Variants in TRAPPC9 observed in about 807,000 individuals in gnomAD.
TRAPPC9 encodes the protein trafficking protein particle complex subunit 9, also known as IKK2 binding protein.
In TRAPPC9, 83 loss-of-function variants were observed where a neutral mutation model predicts 124.0. The observed-to-expected ratio is 0.67, with a 90% CI of 0.56 to 0.80. The LOEUF (loss-of-function observed/expected upper bound fraction) is 0.80, where lower values mean the gene tolerates loss of function less well. TRAPPC9 is among the 30% of genes least tolerant of loss of function. The pLI, the probability that TRAPPC9 is intolerant of heterozygous loss-of-function variation, is 0.00. For synonymous variants in TRAPPC9, 638 were observed against 617.5 expected (o/e 1.03, Z -0.49); for missense variants, 1,302 against 1,508.3 (o/e 0.86, Z 2.27).
intron 19 of TRAPPC9, among the ~76,000 whole-genome samples, chr8:139,976,715 C>T (rs895069983): frequency 6.6e-6 from 1 of 152,246 alleles, no homozygotes; most frequent in Non-Finnish European, 1.5e-5. Flanking sequence ...CAGGCCAAGA[C>T]GTACATGAAG....
intron 21 of TRAPPC9, among the ~76,000 whole-genome samples, chr8:139,830,699 G>C (rs1331505247): frequency 6.6e-6 from 1 of 151,924 alleles, no homozygotes; most frequent in Non-Finnish European, 1.5e-5. Flanking sequence ...ATATACACAT[G>C]CACACATGCA....
chr8:140,251,342 G>A (rs867204348), intron 16 of TRAPPC9, among the ~76,000 whole-genome samples: 1 of 152,168 alleles, frequency 6.6e-6, no homozygotes, highest in Non-Finnish European at 1.5e-5. Flanking sequence ...AAAAAATGCA[G>A]TTCAGCGGGA....
Position 140,450,851 on chromosome 8 carries a change from T to C in TRAPPC9, c.523A>G (p.Ile175Val). Residue 175 changes from isoleucine (I) to valine (V), a missense_variant, in exon 2 of 23, where the codon ATC becomes GTC. Coordinates refer to ENST00000438773, the MANE Select transcript of TRAPPC9 (RefSeq NM_001160372.4). Reference protein sequence around the residue: ...DRATDKSGDKIPLLCVPFEKK... With the variant: ...DRATDKSGDKVPLLCVPFEKK... ...TCAAACGGGACACAGAGAAGGGGGA[T>C]CTTATCCCCAGACTTGTCTGTGGCT... 3 of 1,613,822 alleles carry C rather than the reference T, an allele frequency of 1.9e-6. No individual in the cohort carries two copies. Among genetic ancestry groups the C allele is most frequent in the Non-Finnish European group, 1.7e-6 (2 of 1,179,924 alleles).
rs994068840 is a variant in TRAPPC9, at chr8:139,975,091, G to A, written c.2810+13635C>T. Among the ~76,000 whole-genome samples, 7 of 152,220 alleles carry A rather than the reference G, an allele frequency of 4.6e-5. 1 individual carries two copies. Among genetic ancestry groups the A allele is most frequent in the Middle Eastern group, 6.8e-3 (2 of 294 alleles). On this transcript the variant is annotated intron_variant, in intron 19 of 22. Coordinates refer to ENST00000438773, the MANE Select transcript of TRAPPC9 (RefSeq NM_001160372.4). ...GAAAGCACCACCAAGAAGGGACAGC[G>A]GTGATTATGAGTGAACCTAGGACCA...
intron 19 of TRAPPC9, among the ~76,000 whole-genome samples, chr8:139,967,433 A>G (rs1835774202): frequency 6.6e-6 from 1 of 152,258 alleles, no homozygotes; most frequent in African/African-American, 2.4e-5. Context: ...AATGATACAG[A>G]TCAGGGTTCG....
intron 20 of TRAPPC9, among the ~76,000 whole-genome samples, chr8:139,893,475 G>A (rs1830475615): frequency 6.6e-6 from 1 of 152,230 alleles, no homozygotes; most frequent in South Asian, 2.1e-4. Flanking sequence ...CAGCAATGCT[G>A]CAGTTGGCAC....
chr8:140,120,287 A>C (rs1002311619), intron 17 of TRAPPC9, among the ~76,000 whole-genome samples: 15 of 152,198 alleles, frequency 9.9e-5, no homozygotes, highest in African/African-American at 3.6e-4. Flanking sequence ...TACCAGAAAA[A>C]TAAACAGAGC....
chr8:140,371,139 G>A lies in TRAPPC9; in HGVS notation c.1176C>T (p.Ser392=), dbSNP rs200927006. ...EEKIQRYSIL[S]ELYELIGFHR... ...GGAAGCCGATCAGCTCATAGAGCTCGGAGAGGATGCTGTAGCGCTGAATTT... is the reference window on the plus strand; with the variant it reads ...GGAAGCCGATCAGCTCATAGAGCTCAGAGAGGATGCTGTAGCGCTGAATTT... Residue 392 remains serine (S), a synonymous_variant, in exon 8 of 23, where the codon TCC becomes TCT. Transcript: ENST00000438773. The A allele has an allele frequency of 1.4e-5, 23 of 1,614,048 alleles. No individual in the cohort carries two copies. Among genetic ancestry groups the A allele is most frequent in the Middle Eastern group, 1.6e-4 (1 of 6,062 alleles).
At chr8:140,393,036 TATTTTATTTTATTTTA>T (rs2068975603) in intron 7 of TRAPPC9, among the ~76,000 whole-genome samples, 2 of 26,840 alleles carry the variant, frequency 7.5e-5, no homozygotes, top group African/African-American at 1.3e-4. Flanking sequence ...ATTTTATTTT[TATTTTATTTTATTTTA>T]TTTTATTTTA....
intron 17 of TRAPPC9, among the ~76,000 whole-genome samples, chr8:140,135,551 T>C (rs2061288128): frequency 6.6e-6 from 1 of 152,210 alleles, no homozygotes; most frequent in African/African-American, 2.4e-5. Context: ...ACAAATACTG[T>C]ATAATTCCAC....
chr8:139,996,168 A>AAAG (rs1837967975), intron 18 of TRAPPC9, among the ~76,000 whole-genome samples: 1 of 142,384 alleles, frequency 7.0e-6, no homozygotes, highest in African/African-American at 2.5e-5. Flanking sequence ...CAAAAAAAAA[A>AAAG]AAAAAAAAAA....
intron 17 of TRAPPC9, among the ~76,000 whole-genome samples, chr8:140,081,069 G>T (rs1263349805): frequency 6.6e-6 from 1 of 152,156 alleles, no homozygotes; most frequent in Non-Finnish European, 1.5e-5. Flanking sequence ...CTCTGGAGGT[G>T]TGACCAAAGT....
chr8:140,445,773 G>A (rs1274878720), intron 2 of TRAPPC9, among the ~76,000 whole-genome samples: 21 of 152,234 alleles, frequency 1.4e-4, no homozygotes, highest in Admixed American at 1.4e-3. Flanking sequence ...AATGAAGAAA[G>A]AAAGTGTTGG....
chr8:139,932,674 G>A, intron 19 of TRAPPC9: 1 of 384,486 alleles, frequency 2.6e-6, no homozygotes, highest in South Asian at 1.9e-5. Flanking sequence ...TGAGGCACGA[G>A]AATTGCCTGA....
In TRAPPC9 at chr8:139,980,837, C is replaced by T. The variant is rs139664494; in HGVS notation, c.2810+7889G>A. On this transcript the variant is annotated intron_variant, in intron 19 of 22. Coordinates refer to ENST00000438773, the MANE Select transcript of TRAPPC9 (RefSeq NM_001160372.4). ...GTGGGAGGAGCCACACGCCCCCCAC[C>T]TTCCACGCGCTAGGAAAGGCTCCAG... 3.4e-3 allele frequency among the ~76,000 whole-genome samples: 512 copies of T among 152,280 alleles called. 2 individuals carry two copies. Among genetic ancestry groups the T allele is most frequent in the African/African-American group, 0.012 (478 of 41,564 alleles).
chr8:139,920,295 G>A (rs1462003753), intron 19 of TRAPPC9, among the ~76,000 whole-genome samples: 18 of 152,340 alleles, frequency 1.2e-4, no homozygotes, highest in African/African-American at 3.1e-4. Context: ...GCAGTGAGCC[G>A]AGATCGTGCC....
At chr8:140,336,782 C>G (rs1275680823) in intron 9 of TRAPPC9, among the ~76,000 whole-genome samples, 1 of 152,176 alleles carries the variant, frequency 6.6e-6, no homozygotes, top group African/African-American at 2.4e-5. Context: ...GGTACAGAAA[C>G]AAACTAATGG....
chr8:140,082,657 C>G (rs1452384048), intron 17 of TRAPPC9, among the ~76,000 whole-genome samples: 1 of 152,190 alleles, frequency 6.6e-6, no homozygotes, highest in Non-Finnish European at 1.5e-5. Context: ...ATTTTTCCAG[C>G]CTGATGTTCA....
chr8:140,181,462 T>C (rs2062202965), intron 17 of TRAPPC9, among the ~76,000 whole-genome samples: 2 of 152,148 alleles, frequency 1.3e-5, no homozygotes, highest in African/African-American at 2.4e-5. Context: ...TTTTGTTTTT[T>C]GTATTTTTAG....
Sources: allele counts gnomAD v4.1 joint callset (sites outside exome capture counted in the v4.1 genomes callset), GRCh38; gene constraint gnomAD v4.1.1; transcripts MANE v1.5; gene names NCBI Gene and HGNC (gene_info 2026-07-23, HGNC 2026-07-21).